GTF3C1: variants seen among roughly 807,000 people sequenced by gnomAD.
GTF3C1 encodes the protein general transcription factor IIIC subunit 1.
GTF3C1 carries 57 observed loss-of-function variants against 226.7 expected under a neutral mutation model. That is an observed-to-expected ratio of 0.25 (90% CI 0.20 to 0.31). The LOEUF (loss-of-function observed/expected upper bound fraction) is 0.31. Among genes scored for constraint, GTF3C1 ranks in the 10% least tolerant of loss-of-function variants. The pLI is 1.00. For synonymous variants in GTF3C1, 1,090 were observed against 1,084.8 expected, an observed-to-expected ratio of 1.00 and a Z score of -0.09; for missense variants, 2,217 against 2,776.1, an observed-to-expected ratio of 0.80 and a Z score of 4.53.
intron 6 of GTF3C1, among the ~76,000 whole-genome samples, chr16:27,518,459 T>C (rs1187182537): frequency 1.3e-5 from 2 of 152,220 alleles, no homozygotes; most frequent in Non-Finnish European, 2.9e-5. Flanking sequence ...ATAGAGTCCT[T>C]AGGACAGCGC....
At chr16:27,474,001 A>G (rs1428850283) in intron 29 of GTF3C1, among the ~76,000 whole-genome samples, 1 of 152,178 alleles carries the variant, frequency 6.6e-6, no homozygotes, top group Non-Finnish European at 1.5e-5. Flanking sequence ...CGCTCAGGCC[A>G]TGTGTGGTGA....
chr16:27,502,827 G>T, intron 11 of GTF3C1, 32 bp downstream of exon 11: 1 of 1,549,794 alleles, frequency 6.5e-7, no homozygotes. Flanking sequence ...GTTAGTGCCA[G>T]CAGACAGACA....
chr16:27,515,674 G>A (rs1286888005), intron 6 of GTF3C1, among the ~76,000 whole-genome samples: 1 of 152,160 alleles, frequency 6.6e-6, no homozygotes, highest in East Asian at 1.9e-4. Context: ...AAGTTCCATA[G>A]CTCCCCATGT....
rs1051155349 is a variant in GTF3C1, at chr16:27,470,172, C to A, written c.4750G>T (p.Val1584Phe). ...LFSLGLISVD[V>F]RIPEQIIVVD... Reference sequence around the variant, plus strand: ...ACGATGATCTGCTCCGGGATCCTGACATCCACAGAAATGAGGCCCAGAGAG... The same window carrying A: ...ACGATGATCTGCTCCGGGATCCTGAAATCCACAGAAATGAGGCCCAGAGAG... Residue 1584 changes from valine to phenylalanine, a missense_variant, in exon 31 of 37, where the codon GTC becomes TTC. By Grantham distance (50) the Val-to-Phe change is conservative. Around this residue, in one of 12 missense-constraint regions of GTF3C1, gnomAD observed 546 missense variants for 663.0 expected, o/e 0.82. Transcript: ENST00000356183. The surrounding 1 kb of genome is among the most constrained non-coding windows in gnomAD (Gnocchi z 4.9). The A allele has an allele frequency of 5.0e-6, 8 of 1,613,980 alleles. No homozygotes were observed. Among genetic ancestry groups the A allele is most frequent in the Non-Finnish European group, 6.8e-6 (8 of 1,179,822 alleles).
chr16:27,529,125 A>G (rs1567411616), intron 5 of GTF3C1, among the ~76,000 whole-genome samples: 1 of 151,868 alleles, frequency 6.6e-6, no homozygotes, highest in African/African-American at 2.4e-5. Flanking sequence ...GGCAGGAGAG[A>G]AAAAAAAGGG....
In GTF3C1 at chr16:27,507,418, G is replaced by C. The variant is rs1596641461; in HGVS notation, c.1243-262C>G. Among the ~76,000 whole-genome samples the C allele has an allele frequency of 6.6e-6, 1 of 152,330 alleles. No individual in the cohort carries two copies. Among genetic ancestry groups the C allele is most frequent in the South Asian group, 2.1e-4 (1 of 4,826 alleles). On this transcript the variant is annotated intron_variant, in intron 8 of 36. Transcript: ENST00000356183. The surrounding 1 kb of genome is among the most constrained non-coding windows in gnomAD (Gnocchi z 4.9). ...TCTATGAGGCTATGAGCTTCTCAGG[G>C]ACAGGGCTCTGACTTAACCTTCCAT...
chr16:27,481,708 G>A (rs533827027), intron 26 of GTF3C1, among the ~76,000 whole-genome samples: 4 of 152,292 alleles, frequency 2.6e-5, no homozygotes, highest in South Asian at 4.1e-4. Context: ...TGTGCAATGC[G>A]ACATGGTATG....
rs1329377161 is a variant in GTF3C1, at chr16:27,463,054, G to A, written c.5924+487C>T. On this transcript the variant is annotated intron_variant, in intron 35 of 36. Coordinates refer to ENST00000356183, the MANE Select transcript of GTF3C1 (RefSeq NM_001520.4). This position sits in a 1 kb window ranked among gnomAD's most constrained non-coding sequence, Gnocchi z 4.9. ...GAGCTCTTGAAAGCCAGGACACAGG[G>A]CACTTGGGCCCTGCCAATCTGGGGT... The A allele has an allele frequency of 1.2e-5, 2 of 173,696 alleles. No homozygotes were observed. The highest frequency in any genetic ancestry group is 5.8e-5 in the Admixed American group (1 of 17,176). 10.8% of individuals were successfully genotyped at this position (173,696 alleles called of 1,614,324 possible). A position where few individuals can be genotyped will look rare whatever the true frequency, so the allele number is the denominator to read the frequency against.
At chr16:27,531,746 T>C (rs2088920338) in intron 5 of GTF3C1, among the ~76,000 whole-genome samples, 1 of 151,966 alleles carries the variant, frequency 6.6e-6, no homozygotes, top group African/African-American at 2.4e-5. Context: ...CCGAGTGACT[T>C]GGTAGGAGAG....
intron 12 of GTF3C1, among the ~76,000 whole-genome samples, chr16:27,500,593 T>C (rs1019629059): frequency 7.2e-5 from 11 of 152,250 alleles, no homozygotes; most frequent in Admixed American, 4.6e-4. Context: ...CCATTCCCTT[T>C]GGCCCTGGTG....
In GTF3C1 at chr16:27,538,251, G is replaced by A; in HGVS notation, c.537C>T (p.Cys179=). ...PDLKLPDFSY[C]ILERLGRSRW... ...TGGACCGGCCTAGCCGTTCCAGGATGCAGTAGGAGAAGTCGGGCAGCTTCA... is the reference window on the plus strand; with the variant it reads ...TGGACCGGCCTAGCCGTTCCAGGATACAGTAGGAGAAGTCGGGCAGCTTCA... Residue 179 remains cysteine, a synonymous_variant, in exon 3 of 37, where the codon TGC becomes TGT. Coordinates refer to ENST00000356183, the MANE Select transcript of GTF3C1 (RefSeq NM_001520.4). 1 of 1,611,440 alleles carries A rather than the reference G, an allele frequency of 6.2e-7. No individual in the cohort carries two copies. The highest frequency in any genetic ancestry group is 2.2e-5 in the East Asian group (1 of 44,876).
chr16:27,520,834 T>C (rs529295420), intron 6 of GTF3C1, among the ~76,000 whole-genome samples: 1 of 152,216 alleles, frequency 6.6e-6, no homozygotes, highest in East Asian at 1.9e-4. Context: ...TTCTCCTGCC[T>C]CAGCCTCCCA....
intron 28 of GTF3C1, among the ~76,000 whole-genome samples, chr16:27,476,926 G>A (rs995438830): frequency 1.3e-5 from 2 of 152,188 alleles, no homozygotes; most frequent in Admixed American, 1.3e-4. Flanking sequence ...AACAAAACCT[G>A]GGCTTTTGGA....
chr16:27,548,338 G>A (rs2089197121), intron 1 of GTF3C1, among the ~76,000 whole-genome samples: 2 of 152,188 alleles, frequency 1.3e-5, no homozygotes, highest in South Asian at 4.1e-4. Flanking sequence ...CTGAATCTCA[G>A]CTCACTGAAA....
intron 12 of GTF3C1, among the ~76,000 whole-genome samples, chr16:27,500,940 T>C (rs1332299326): frequency 6.6e-6 from 1 of 152,246 alleles, no homozygotes; most frequent in Non-Finnish European, 1.5e-5. Flanking sequence ...CTTCTGCTTC[T>C]TCAAGGCTGA....
chr16:27,504,537 G>A (rs1162979599), intron 10 of GTF3C1, among the ~76,000 whole-genome samples: 1 of 152,218 alleles, frequency 6.6e-6, no homozygotes, highest in Non-Finnish European at 1.5e-5. Flanking sequence ...GCGTAGGGTA[G>A]GGACTGCACA....
rs2088079970 is a variant in GTF3C1 at position 27,483,039 on chromosome 16, C to T, written c.4083+5G>A. Reference sequence around the variant, plus strand: ...TACCAAGCCCTACACTCACACAGGACCTACCTTTGGGTCATCATAGTCACC... The same window carrying T: ...TACCAAGCCCTACACTCACACAGGATCTACCTTTGGGTCATCATAGTCACC... On this transcript the variant is annotated splice_donor_5th_base_variant and intron_variant, in intron 26 of 36. Transcript: ENST00000356183. The T allele has an allele frequency of 1.2e-6, 2 of 1,613,604 alleles. No homozygotes were observed. Among genetic ancestry groups the T allele is most frequent in the African/African-American group, 1.3e-5 (1 of 74,916 alleles).
At chr16:27,523,831 G>A (rs1372355458) in intron 6 of GTF3C1, among the ~76,000 whole-genome samples, 1 of 152,168 alleles carries the variant, frequency 6.6e-6, no homozygotes, top group East Asian at 1.9e-4. Context: ...CAGCAGCAGA[G>A]AGGTGGGCAA....
intron 25 of GTF3C1, 118 bp downstream of exon 25, chr16:27,484,093 A>C: frequency 2.6e-6 from 2 of 769,334 alleles, no homozygotes; most frequent in Admixed American, 4.0e-5. Context: ...GCAGACTCCA[A>C]CACTTGGCCA....
Sources: gnomAD v4.1 joint callset for allele counts (sites outside exome capture counted in the v4.1 genomes callset) on GRCh38, gnomAD v4.1.1 for gene constraint, gnomAD v4.1.1 regional missense constraint, Gnocchi (gnomAD v3.1) non-coding constraint, MANE v1.5 for transcripts, NCBI Gene and HGNC (gene_info 2026-07-23, HGNC 2026-07-21) for gene names.